NIPSNAP1: variants seen among roughly 807,000 people sequenced by gnomAD.
NIPSNAP1 encodes the protein nipsnap homolog 1.
NIPSNAP1 carries 25 observed loss-of-function variants against 49.2 expected under a neutral mutation model. The observed-to-expected ratio is 0.51, with a 90% CI of 0.37 to 0.71. The LOEUF (loss-of-function observed/expected upper bound fraction) is 0.71. Ranked by LOEUF, NIPSNAP1 falls within the 30% of genes least tolerant of loss-of-function variation. NIPSNAP1 has a pLI of 0.00. For missense variants in NIPSNAP1, 294 were observed against 361.0 expected, an observed-to-expected ratio of 0.81 and a Z score of 1.50; for synonymous variants, 143 against 140.7, an observed-to-expected ratio of 1.02 and a Z score of -0.12.
chr22:29,563,279 A>T (rs1189912893), intron 4 of NIPSNAP1, among the ~76,000 whole-genome samples: 1 of 151,466 alleles, frequency 6.6e-6, no homozygotes, highest in Non-Finnish European at 1.5e-5. Flanking sequence ...TAAATAAATA[A>T]TCAACTTTGG....
intron 4 of NIPSNAP1, among the ~76,000 whole-genome samples, chr22:29,563,870 G>C (rs1212287924): frequency 6.6e-6 from 1 of 152,156 alleles, no homozygotes. Context: ...CCAGAAACTG[G>C]AAGAGGCAAG....
At chr22:29,574,392 T>G (rs2064435989) in intron 1 of NIPSNAP1, among the ~76,000 whole-genome samples, 1 of 152,024 alleles carries the variant, frequency 6.6e-6, no homozygotes, top group Non-Finnish European at 1.5e-5. Context: ...CTTTATTCAT[T>G]GTAATTTTTT....
At chr22:29,562,281 A>G (rs1467477197) in intron 4 of NIPSNAP1, among the ~76,000 whole-genome samples, 2 of 152,196 alleles carry the variant, frequency 1.3e-5, no homozygotes, top group East Asian at 3.8e-4. Context: ...ATGGGCTGAT[A>G]TGGAACATTC....
chr22:29,580,866 G>C, intron 1 of NIPSNAP1, 119 bp downstream of exon 1: 12 of 748,572 alleles, frequency 1.6e-5, no homozygotes, highest in East Asian at 3.1e-5. Flanking sequence ...ATCCTGCCCC[G>C]CCTCTAACCC....
At chr22:29,559,043 C>A in intron 8 of NIPSNAP1, 90 bp from the exon 9 acceptor site, 1 of 891,150 alleles carries the variant, frequency 1.1e-6, no homozygotes, top group South Asian at 1.3e-5. Context: ...CCCCTAAACC[C>A]TGCACTGCTG....
At chr22:29,558,530 T>C (rs1010456025) in intron 9 of NIPSNAP1, among the ~76,000 whole-genome samples, 1 of 152,136 alleles carries the variant, frequency 6.6e-6, no homozygotes, top group Non-Finnish European at 1.5e-5. Context: ...TCTTCCGTTA[T>C]AGCCCTCTGA....
At chr22:29,557,130 T>G (rs1325717510) in intron 9 of NIPSNAP1, among the ~76,000 whole-genome samples, 1 of 151,846 alleles carries the variant, frequency 6.6e-6, no homozygotes, top group African/African-American at 2.4e-5. Flanking sequence ...TGTTTTTTGT[T>G]TTTTTTGAGA....
chr22:29,558,132 G>C (rs1447406535), intron 9 of NIPSNAP1, among the ~76,000 whole-genome samples: 1 of 152,134 alleles, frequency 6.6e-6, no homozygotes, highest in African/African-American at 2.4e-5. Context: ...AACATTTCCT[G>C]CATGCTTCCT....
intron 4 of NIPSNAP1, among the ~76,000 whole-genome samples, chr22:29,562,121 T>C (rs968991896): frequency 1.3e-5 from 2 of 152,048 alleles, no homozygotes; most frequent in African/African-American, 4.8e-5. Flanking sequence ...AATGTTCTCA[T>C]CTTGAAAATG....
At chr22:29,559,978 T>C (rs975540454) in intron 8 of NIPSNAP1, among the ~76,000 whole-genome samples, 1 of 152,124 alleles carries the variant, frequency 6.6e-6, no homozygotes, top group Non-Finnish European at 1.5e-5. Context: ...ATTCCCCCTC[T>C]CCTGTTCCAT....
rs118001326 is a variant in NIPSNAP1, at chr22:29,560,978, T to C, written c.612-150A>G. The C allele has an allele frequency of 5.8e-3, 5,225 of 905,570 alleles. 46 individuals carry two copies. Among genetic ancestry groups the C allele is most frequent in the Middle Eastern group, 0.045 (140 of 3,120 alleles). The allele number at this position is 905,570 out of a possible 1,614,324, so 56.1% of individuals were successfully genotyped here. A position where few individuals can be genotyped will look rare whatever the true frequency, so the allele number is the denominator to read the frequency against. ...AGAAAGGACTGATGGCGGGGTGTTC[T>C]ACCAACGGAGGGGTCACAACCTTCT... On this transcript the variant is annotated intron_variant, in intron 7 of 9. Coordinates refer to ENST00000216121, the MANE Select transcript of NIPSNAP1 (RefSeq NM_003634.4).
At chr22:29,580,945 C>T (rs2064493396) in intron 1 of NIPSNAP1, 40 bp downstream of exon 1, 2 of 1,476,748 alleles carry the variant, frequency 1.4e-6, no homozygotes, top group South Asian at 1.3e-5. Flanking sequence ...GCCTGCACCC[C>T]ACCCCGCGCG....
At chr22:29,561,041 A>G in intron 7 of NIPSNAP1, 130 bp downstream of exon 7, 1 of 998,134 alleles carries the variant, frequency 1.0e-6, no homozygotes, top group Non-Finnish European at 1.6e-6. Flanking sequence ...CTTCTCCCAG[A>G]TCCATGAGGG....
intron 8 of NIPSNAP1, among the ~76,000 whole-genome samples, chr22:29,559,910 G>A (rs1300964102): frequency 1.3e-5 from 2 of 152,174 alleles, no homozygotes; most frequent in Admixed American, 6.5e-5. Flanking sequence ...AAATCAGGTC[G>A]TGTCACTGCT....
chr22:29,564,916 T>C (rs545654016), intron 4 of NIPSNAP1, among the ~76,000 whole-genome samples: 9 of 152,074 alleles, frequency 5.9e-5, no homozygotes, highest in Non-Finnish European at 1.2e-4. Context: ...CCAGGCGCAG[T>C]GGCTCAGGCC....
rs1006076974 is a variant in NIPSNAP1, at chr22:29,577,975, T to C, written c.98+3010A>G. Among the ~76,000 whole-genome samples the C allele has an allele frequency of 8.7e-5, 13 of 149,038 alleles. 2 individuals are homozygous for C. Among genetic ancestry groups the C allele is most frequent in the African/African-American group, 3.3e-4 (13 of 39,290 alleles). Reference sequence around the variant, plus strand: ...GTGCACTGGTGCGATCTCAGCTCACTGCAACCTCCACCTCCCTGGTTTAAG... The same window carrying C: ...GTGCACTGGTGCGATCTCAGCTCACCGCAACCTCCACCTCCCTGGTTTAAG... On this transcript the variant is annotated intron_variant, in intron 1 of 9. Transcript: ENST00000216121.
rs562651934 is a variant in NIPSNAP1, at chr22:29,575,720, T to C, written c.99-5188A>G. ...TTGAACCCAGGAGTTGTTTTTTTTTTTTTGTTTTGTTTGAGATGGAGTCTC... is the reference window on the plus strand; with the variant it reads ...TTGAACCCAGGAGTTGTTTTTTTTTCTTTGTTTTGTTTGAGATGGAGTCTC... On this transcript the variant is annotated intron_variant, in intron 1 of 9. Coordinates refer to ENST00000216121, the MANE Select transcript of NIPSNAP1 (RefSeq NM_003634.4). Among the ~76,000 whole-genome samples, 75 of 151,898 alleles carry C rather than the reference T, an allele frequency of 4.9e-4. 1 individual carries two copies. The highest frequency in any genetic ancestry group is 5.7e-4 in the Non-Finnish European group (39 of 67,950).
chr22:29,562,412 G>T (rs914422406), intron 4 of NIPSNAP1, among the ~76,000 whole-genome samples: 2 of 152,314 alleles, frequency 1.3e-5, no homozygotes, highest in East Asian at 3.9e-4. Context: ...TCTTAATGGC[G>T]ACTTAAGAGA....
intron 8 of NIPSNAP1, 44 bp downstream of exon 8, chr22:29,560,690 A>G (rs1301241106): frequency 4.7e-6 from 7 of 1,499,778 alleles, no homozygotes; most frequent in Non-Finnish European, 6.5e-6. Flanking sequence ...GTGATGACAG[A>G]GAAAGAGAAC....
Sources: gnomAD v4.1 joint callset for allele counts (sites outside exome capture counted in the v4.1 genomes callset) on GRCh38, gnomAD v4.1.1 for gene constraint, MANE v1.5 for transcripts, NCBI Gene and HGNC (gene_info 2026-07-23, HGNC 2026-07-21) for gene names.